Variants in SHTN1 observed in about 807,000 individuals in gnomAD.
SHTN1 encodes shootin 1, also known as shootin-1.
SHTN1 carries 42 observed loss-of-function variants against 83.1 expected under a neutral mutation model. The observed-to-expected ratio is 0.51, with a 90% CI of 0.39 to 0.65. The LOEUF is 0.65. Ranked by LOEUF, SHTN1 falls within the 30% of genes least tolerant of loss-of-function variation. The pLI, the probability that SHTN1 is intolerant of heterozygous loss-of-function variation, is 0.00. For synonymous variants in SHTN1, 224 were observed against 247.7 expected (o/e 0.90, Z 0.90); for missense variants, 622 against 737.8 (o/e 0.84, Z 1.82).
At chr10:117,081,277 C>A (rs1853257411) in intron 1 of SHTN1, among the ~76,000 whole-genome samples, 1 of 151,746 alleles carries the variant, frequency 6.6e-6, no homozygotes, top group African/African-American at 2.4e-5. Context: ...GCCTTTTCTG[C>A]ATCTATTGAG....
intron 2 of SHTN1, among the ~76,000 whole-genome samples, chr10:117,044,041 C>T (rs149585991): frequency 1.3e-5 from 2 of 152,194 alleles, no homozygotes; most frequent in African/African-American, 4.8e-5. Context: ...ATCTGTAGTT[C>T]AAATGCCAGG....
chr10:116,936,692 C>T (rs1489262585), intron 9 of SHTN1, among the ~76,000 whole-genome samples: 1 of 151,958 alleles, frequency 6.6e-6, no homozygotes, highest in Non-Finnish European at 1.5e-5. Flanking sequence ...CTGCTTGGTC[C>T]AGGGCTGAGT....
chr10:116,935,210 G>C (rs964078166), intron 9 of SHTN1, among the ~76,000 whole-genome samples: 1 of 152,180 alleles, frequency 6.6e-6, no homozygotes, highest in Non-Finnish European at 1.5e-5. Flanking sequence ...TGTTGAATAG[G>C]CGTGGTGAGA....
At chr10:117,085,129 T>C (rs1272590103) in intron 1 of SHTN1, among the ~76,000 whole-genome samples, 1 of 152,232 alleles carries the variant, frequency 6.6e-6, no homozygotes, top group Admixed American at 6.5e-5. Flanking sequence ...TCTCTATTGT[T>C]TTCCTGCTTT....
chr10:117,116,033 A>G (rs1853840752), intron 1 of SHTN1, among the ~76,000 whole-genome samples: 1 of 152,168 alleles, frequency 6.6e-6, no homozygotes, highest in Non-Finnish European at 1.5e-5. Context: ...AACAAACTAA[A>G]CCCAAAATTA....
chr10:117,102,059 T>C, intron 1 of SHTN1, among the ~76,000 whole-genome samples: 1 of 151,040 alleles, frequency 6.6e-6, no homozygotes, highest in South Asian at 2.1e-4. Context: ...AAAGAAACTT[T>C]GTTCTTAAAA....
intron 1 of SHTN1, among the ~76,000 whole-genome samples, chr10:117,079,796 A>G (rs1853230205): frequency 6.8e-6 from 1 of 146,860 alleles, no homozygotes. Flanking sequence ...AGTGATGATG[A>G]GCACTTTTTC....
chr10:117,016,658 C>T (rs780631007), intron 2 of SHTN1, among the ~76,000 whole-genome samples: 12 of 151,880 alleles, frequency 7.9e-5, no homozygotes, highest in Non-Finnish European at 1.3e-4. Flanking sequence ...CTGCCTGCCT[C>T]AGCCTCCCAA....
chr10:116,881,806 C>T lies in SHTN1; in HGVS notation c.*4538G>A. The T allele has an allele frequency of 1.6e-6, 1 of 642,634 alleles. No homozygotes were observed. Among genetic ancestry groups the T allele is most frequent in the South Asian group, 6.3e-5 (1 of 16,000 alleles). 39.8% of individuals were successfully genotyped at this position (642,634 alleles called of 1,614,324 possible). The stretch of plus-strand genomic sequence containing the variant: ...TGTGGTTTTTATTCTTCTAATTCCA[C>T]TGTTTGGTAAATTACATATATGATG... On this transcript the variant is annotated 3_prime_UTR_variant, in exon 17 of 17. Transcript: ENST00000355371.
In SHTN1 at chr10:116,915,416, G is replaced by T. The variant is rs1209793984; in HGVS notation, c.1264C>A (p.His422Asn). The T allele has an allele frequency of 6.2e-7, 1 of 1,610,754 alleles. No individual in the cohort carries two copies. Among genetic ancestry groups the T allele is most frequent in the Non-Finnish European group, 8.5e-7 (1 of 1,177,054 alleles). ...EMMDRIKKGV[H>N]LRPVNQTARP... ...GCTGTCTGATTAACGGGTCTAAGAT[G>T]AACTCCCTTTTTAATTCTATCCATC... is the stretch of plus-strand genomic sequence containing the variant. Residue 422 changes from histidine to asparagine, a missense_variant, in exon 13 of 17, where the codon CAT (histidine) becomes AAT (asparagine). Transcript: ENST00000355371.
intron 2 of SHTN1, among the ~76,000 whole-genome samples, chr10:117,036,210 A>G (rs1245366688): frequency 6.6e-6 from 1 of 152,198 alleles, no homozygotes; most frequent in Non-Finnish European, 1.5e-5. Context: ...TACAACCACT[A>G]TGGAGAACAG....
chr10:117,108,658 T>C (rs1387145920), intron 1 of SHTN1, among the ~76,000 whole-genome samples: 1 of 151,734 alleles, frequency 6.6e-6, no homozygotes, highest in Non-Finnish European at 1.5e-5. Context: ...TATACATATG[T>C]AACAAACCTG....
chr10:116,998,033 A>C (rs1203127596), intron 1 of SHTN1, among the ~76,000 whole-genome samples: 2 of 152,168 alleles, frequency 1.3e-5, no homozygotes, highest in African/African-American at 4.8e-5. Context: ...CGGAGCTTGC[A>C]GTGAGCAGAG....
At chr10:116,976,440 C>T (rs1459153267) in intron 2 of SHTN1, among the ~76,000 whole-genome samples, 1 of 152,114 alleles carries the variant, frequency 6.6e-6, no homozygotes, top group Non-Finnish European at 1.5e-5. Flanking sequence ...TATTTTTTTG[C>T]TTCCTCTGTT....
intron 1 of SHTN1, among the ~76,000 whole-genome samples, chr10:117,060,065 T>C (rs1217268427): frequency 6.6e-6 from 1 of 151,976 alleles, no homozygotes; most frequent in Non-Finnish European, 1.5e-5. Context: ...TTTTTTTAAT[T>C]AGCCAGGCAT....
At chr10:116,956,206 G>A (rs1402986955) in intron 4 of SHTN1, among the ~76,000 whole-genome samples, 1 of 152,158 alleles carries the variant, frequency 6.6e-6, no homozygotes, top group East Asian at 1.9e-4. Flanking sequence ...TAGGCGCTAT[G>A]CCATACCCAA....
intron 2 of SHTN1, among the ~76,000 whole-genome samples, chr10:117,015,283 T>C (rs1852166255): frequency 6.6e-6 from 1 of 152,180 alleles, no homozygotes; most frequent in African/African-American, 2.4e-5. Flanking sequence ...GCTGAAGGCT[T>C]TGGAAATTGT....
At chr10:116,954,611 T>C (rs1357870988) in intron 4 of SHTN1, among the ~76,000 whole-genome samples, 2 of 152,206 alleles carry the variant, frequency 1.3e-5, no homozygotes, top group Admixed American at 6.5e-5. Flanking sequence ...CTCTCTTTTC[T>C]GGACATTACC....
At chr10:116,942,816 A>G (rs550094978) in intron 8 of SHTN1, among the ~76,000 whole-genome samples, 1 of 152,316 alleles carries the variant, frequency 6.6e-6, no homozygotes, top group South Asian at 2.1e-4. Flanking sequence ...TTTCTTCACC[A>G]CTGGATTCCC....
Sources: allele counts gnomAD v4.1 joint callset (sites outside exome capture counted in the v4.1 genomes callset), GRCh38; gene constraint gnomAD v4.1.1; transcripts MANE v1.5; gene names NCBI Gene and HGNC (gene_info 2026-07-23, HGNC 2026-07-21).